The following ARHGAP15 variants were observed in gnomAD, a reference collection of about 807,000 sequenced individuals.
ARHGAP15 encodes the protein rho GTPase-activating protein 15.
ARHGAP15 carries 51 observed loss-of-function variants against 63.7 expected under a neutral mutation model. The ratio of observed to expected loss-of-function variants is 0.80; its 90% confidence interval spans 0.64 to 1.01. ARHGAP15 has a LOEUF of 1.01. Among genes scored for constraint, ARHGAP15 ranks in the 50% least tolerant of loss-of-function variants. The pLI is 0.00. For missense variants in ARHGAP15, 560 were observed against 564.6 expected, an observed-to-expected ratio of 0.99 and a Z score of 0.08; for synonymous variants, 191 against 193.8, an observed-to-expected ratio of 0.99 and a Z score of 0.12.
intron 10 of ARHGAP15, among the ~76,000 whole-genome samples, chr2:143,527,263 AT>A (rs1694320305): frequency 6.6e-6 from 1 of 152,026 alleles, no homozygotes; most frequent in Non-Finnish European, 1.5e-5. Flanking sequence ...AACATGACAT[AT>A]TTTTTTGTAC....
intron 12 of ARHGAP15, among the ~76,000 whole-genome samples, chr2:143,654,459 A>G (rs1382180661): frequency 6.6e-6 from 1 of 152,160 alleles, no homozygotes; most frequent in Admixed American, 6.5e-5. Flanking sequence ...CCAAATCACT[A>G]CAATTGATTT....
chr2:143,198,615 T>C (rs1691982822), intron 2 of ARHGAP15, among the ~76,000 whole-genome samples: 1 of 152,126 alleles, frequency 6.6e-6, no homozygotes, highest in African/African-American at 2.4e-5. Flanking sequence ...CTCCTAATAA[T>C]ATGTACACCA....
At chr2:143,185,395 C>T (rs565017936) in intron 2 of ARHGAP15, among the ~76,000 whole-genome samples, 2 of 152,112 alleles carry the variant, frequency 1.3e-5, no homozygotes, top group African/African-American at 4.8e-5. Flanking sequence ...TTGCTTCAAA[C>T]TTTTGGTTCT....
chr2:143,310,668 G>T (rs532061870), intron 6 of ARHGAP15, among the ~76,000 whole-genome samples: 1 of 152,068 alleles, frequency 6.6e-6, no homozygotes, highest in South Asian at 2.1e-4. Flanking sequence ...TATATAAAAA[G>T]TGTAGCTGCC....
intron 6 of ARHGAP15, among the ~76,000 whole-genome samples, chr2:143,404,462 TTAATC>T (rs1688117622): frequency 6.6e-6 from 1 of 151,948 alleles, no homozygotes; most frequent in Non-Finnish European, 1.5e-5. Context: ...TATGTATCAT[TTAATC>T]TAATACAAAA....
chr2:143,314,409 G>A (rs1683599854), intron 6 of ARHGAP15: 1 of 152,208 alleles, frequency 6.6e-6, no homozygotes, highest in African/African-American at 2.4e-5. Context: ...ACATGGCTGG[G>A]ATGAGGCTGG....
intron 11 of ARHGAP15, among the ~76,000 whole-genome samples, chr2:143,558,773 GC>G (rs1408068736): frequency 6.6e-6 from 1 of 152,118 alleles, no homozygotes; most frequent in Non-Finnish European, 1.5e-5. Context: ...AAACTGGAAA[GC>G]ATTCAACTCT....
chr2:143,135,126 G>A (rs922329208), intron 1 of ARHGAP15, among the ~76,000 whole-genome samples: 5 of 152,140 alleles, frequency 3.3e-5, no homozygotes, highest in African/African-American at 9.7e-5. Flanking sequence ...AGAAGAGAGA[G>A]CACTTTAATG....
At chr2:143,382,529 G>A (rs1003362100) in intron 6 of ARHGAP15, among the ~76,000 whole-genome samples, 2 of 152,208 alleles carry the variant, frequency 1.3e-5, no homozygotes, top group South Asian at 2.1e-4. Flanking sequence ...TATTGAATTA[G>A]GGTCCCCTTA....
intron 2 of ARHGAP15, among the ~76,000 whole-genome samples, chr2:143,167,427 T>C (rs552110789): frequency 6.6e-6 from 1 of 152,214 alleles, no homozygotes; most frequent in South Asian, 2.1e-4. Flanking sequence ...TTTTCTTACA[T>C]ATGGATAATG....
intron 6 of ARHGAP15, among the ~76,000 whole-genome samples, chr2:143,422,930 T>A (rs7608859): frequency 3.3e-5 from 5 of 152,002 alleles, no homozygotes; most frequent in South Asian, 4.1e-4. Flanking sequence ...TATCCAAGAC[T>A]GTGCATTCTC....
intron 13 of ARHGAP15, among the ~76,000 whole-genome samples, chr2:143,763,672 T>A (rs1215340633): frequency 6.7e-6 from 1 of 149,632 alleles, no homozygotes; most frequent in East Asian, 1.9e-4. Flanking sequence ...ATTGCATATA[T>A]ATGCAAATTG....
chr2:143,316,844 C>T (rs1683742568), intron 6 of ARHGAP15, among the ~76,000 whole-genome samples: 1 of 152,004 alleles, frequency 6.6e-6, no homozygotes, highest in South Asian at 2.1e-4. Flanking sequence ...GTCCCTGCTT[C>T]TATATTCACT....
At chr2:143,681,253 C>T (rs1433640124) in intron 12 of ARHGAP15, among the ~76,000 whole-genome samples, 1 of 152,126 alleles carries the variant, frequency 6.6e-6, no homozygotes, top group East Asian at 1.9e-4. Flanking sequence ...TTGTTGACCA[C>T]TTAAGTATGC....
At chr2:143,693,027 G>GT (rs376158780) in intron 12 of ARHGAP15, among the ~76,000 whole-genome samples, 17 of 151,294 alleles carry the variant, frequency 1.1e-4, no homozygotes, top group Admixed American at 2.6e-4. Flanking sequence ...TAAAGTGATA[G>GT]TTTTTTTTTA....
At chr2:143,391,612 T>A (rs1687541315) in intron 6 of ARHGAP15, among the ~76,000 whole-genome samples, 1 of 152,182 alleles carries the variant, frequency 6.6e-6, no homozygotes, top group Admixed American at 6.5e-5. Context: ...CAGTCCCCTT[T>A]CCTGCCACCT....
At chr2:143,340,412 T>C (rs2105284469) in intron 6 of ARHGAP15, among the ~76,000 whole-genome samples, 1 of 152,282 alleles carries the variant, frequency 6.6e-6, no homozygotes, top group South Asian at 2.1e-4. Flanking sequence ...GTGTAAGATA[T>C]TGAGACAGAG....
intron 3 of ARHGAP15, among the ~76,000 whole-genome samples, chr2:143,205,823 T>A (rs1007026769): frequency 6.6e-6 from 1 of 152,072 alleles, no homozygotes; most frequent in Non-Finnish European, 1.5e-5. Context: ...CATTTTCTGA[T>A]GAAACGTCTC....
chr2:143,435,327 G>C (rs1689562878), intron 6 of ARHGAP15: 1 of 1,081,048 alleles, frequency 9.3e-7, no homozygotes, highest in South Asian at 3.7e-5. Context: ...TTCCTGGCTT[G>C]TTTCTCCTTA....
Sources: gnomAD v4.1 joint callset for allele counts (sites outside exome capture counted in the v4.1 genomes callset) on GRCh38, gnomAD v4.1.1 for gene constraint, MANE v1.5 for transcripts, NCBI Gene and HGNC (gene_info 2026-07-23, HGNC 2026-07-21) for gene names.